Variants in RSU1 observed in about 807,000 individuals in gnomAD.
RSU1 encodes the protein rsu-1.
In RSU1, 26 loss-of-function variants were observed where a neutral mutation model predicts 31.1. The observed-to-expected ratio is 0.84, with a 90% CI of 0.61 to 1.16. The LOEUF (loss-of-function observed/expected upper bound fraction) is 1.16, where lower values mean the gene tolerates loss of function less well. Ranked by LOEUF, RSU1 falls within the 50% of genes most tolerant of loss-of-function variation. RSU1 has a pLI of 0.00. For synonymous variants in RSU1, 164 were observed against 136.3 expected (o/e 1.20, Z -1.41); for missense variants, 320 against 339.1 (o/e 0.94, Z 0.44).
chr10:16,643,859 T>C lies in RSU1; in HGVS notation c.732-50363A>G, dbSNP rs528414757. Among the ~76,000 whole-genome samples, 9 of 151,710 alleles carry C rather than the reference T, an allele frequency of 5.9e-5. No individual in the cohort carries two copies. In the South Asian group the frequency reaches 1.5e-3, roughly 25 times the overall value. Reference sequence around the variant, plus strand: ...AAAAAAATACTCAAAGAAAAAACAATGGATGGCTGCGTCTGTACTGAACAA... The same window carrying C: ...AAAAAAATACTCAAAGAAAAAACAACGGATGGCTGCGTCTGTACTGAACAA... On this transcript the variant is annotated intron_variant, in intron 8 of 8. Coordinates refer to ENST00000345264, the MANE Select transcript of RSU1 (RefSeq NM_012425.4).
intron 8 of RSU1, among the ~76,000 whole-genome samples, chr10:16,621,521 C>T (rs1834070623): frequency 6.6e-6 from 1 of 152,132 alleles, no homozygotes; most frequent in Non-Finnish European, 1.5e-5. Context: ...TGTTCTCACA[C>T]TGCTAAGAAA....
chr10:16,768,497 G>A (rs1253805650), intron 3 of RSU1, among the ~76,000 whole-genome samples: 1 of 149,488 alleles, frequency 6.7e-6, no homozygotes, highest in African/African-American at 2.5e-5. Context: ...AGTCCCAGAG[G>A]ACTCAGATAT....
chr10:16,815,081 C>T (rs1360512855), intron 2 of RSU1, among the ~76,000 whole-genome samples: 1 of 152,254 alleles, frequency 6.6e-6, no homozygotes, highest in Non-Finnish European at 1.5e-5. Flanking sequence ...TCTTTCTCCT[C>T]TGTATCAACA....
intron 2 of RSU1, among the ~76,000 whole-genome samples, chr10:16,787,208 G>T (rs7074251): frequency 0.43 from 65,448 of 151,912 alleles, 17,171 homozygotes; most frequent in African/African-American, 0.75. Context: ...TCTTCCTACA[G>T]CTGAACCACC....
Position 16,770,698 on chromosome 10 carries a change from G to C in RSU1, c.161-6188C>G, listed in dbSNP as rs537425828. On this transcript the variant is annotated intron_variant, in intron 3 of 8. Coordinates refer to ENST00000345264, the MANE Select transcript of RSU1 (RefSeq NM_012425.4). The stretch of plus-strand genomic sequence containing the variant: ...AGTGATGGATTGTGAATTACAGCAA[G>C]GGGATGAAGAGGAGGACTTAAGGCA... Among the ~76,000 whole-genome samples the C allele has an allele frequency of 2.6e-5, 4 of 152,374 alleles. No homozygotes were observed. In the South Asian group the frequency reaches 8.3e-4, roughly 32 times the overall value.
In RSU1 at chr10:16,590,707, T is replaced by C. The variant is rs1833491241; in HGVS notation, c.*2687A>G. 6.6e-6 allele frequency: 1 copy of C among 152,216 alleles called. No individual in the cohort carries two copies. Among genetic ancestry groups the C allele is most frequent in the African/African-American group, 2.4e-5 (1 of 41,440 alleles). 9.4% of individuals were successfully genotyped at this position (152,216 alleles called of 1,614,324 possible). On this transcript the variant is annotated 3_prime_UTR_variant, in exon 9 of 9. Transcript: ENST00000345264. Reference sequence around the variant, plus strand: ...TAAGTACAGAATGAATAAGTAAAATTCTAGAAAGTCTTAGTTCACAATACA... The same window carrying C: ...TAAGTACAGAATGAATAAGTAAAATCCTAGAAAGTCTTAGTTCACAATACA...
intron 2 of RSU1, among the ~76,000 whole-genome samples, chr10:16,793,049 C>T (rs1177888074): frequency 6.6e-6 from 1 of 152,144 alleles, no homozygotes; most frequent in East Asian, 1.9e-4. Flanking sequence ...AAAATGAAGA[C>T]AGACAATAAA....
intron 8 of RSU1, among the ~76,000 whole-genome samples, chr10:16,661,111 A>G (rs929664308): frequency 6.6e-6 from 1 of 151,884 alleles, no homozygotes; most frequent in African/African-American, 2.4e-5. Flanking sequence ...TTCTCTATAT[A>G]GCTCACATGT....
At chr10:16,799,092 A>G (rs1397264683) in intron 2 of RSU1, among the ~76,000 whole-genome samples, 1 of 152,232 alleles carries the variant, frequency 6.6e-6, no homozygotes, top group East Asian at 1.9e-4. Context: ...TGTAGAACTA[A>G]GACTACGTGA....
At chr10:16,772,426 C>A (rs45560733) in intron 3 of RSU1, among the ~76,000 whole-genome samples, 26,144 of 151,916 alleles carry the variant, frequency 0.17, 2,266 homozygotes, top group Middle Eastern at 0.22. Context: ...TTCTAAATTG[C>A]ACTACAATTC....
chr10:16,794,201 C>T (rs1277688653), intron 2 of RSU1, among the ~76,000 whole-genome samples: 3 of 152,202 alleles, frequency 2.0e-5, no homozygotes, highest in Non-Finnish European at 4.4e-5. Flanking sequence ...GCAGACAGCA[C>T]ATCATGTGAC....
At chr10:16,729,757 T>A (rs1022470919) in intron 7 of RSU1, among the ~76,000 whole-genome samples, 2 of 152,218 alleles carry the variant, frequency 1.3e-5, no homozygotes, top group African/African-American at 2.4e-5. Flanking sequence ...ACAGCTGTGA[T>A]CATCCCGCCC....
At chr10:16,663,037 A>G (rs1012779416) in intron 8 of RSU1, among the ~76,000 whole-genome samples, 13 of 152,064 alleles carry the variant, frequency 8.5e-5, no homozygotes, top group African/African-American at 3.1e-4. Flanking sequence ...GCGTAGAAAC[A>G]GAAAGGAGCT....
intron 7 of RSU1, among the ~76,000 whole-genome samples, chr10:16,726,229 C>T (rs560986018): frequency 2.0e-5 from 3 of 150,764 alleles, no homozygotes; most frequent in Non-Finnish European, 2.9e-5. Context: ...TAGTTACCTG[C>T]TTCTTGACCT....
chr10:16,764,563 G>A, intron 3 of RSU1, 53 bp from the exon 4 acceptor site: 2 of 1,560,662 alleles, frequency 1.3e-6, no homozygotes, highest in Non-Finnish European at 8.7e-7. Context: ...TCCTAGCAAG[G>A]GATGGCAGCG....
intron 7 of RSU1, among the ~76,000 whole-genome samples, chr10:16,743,158 ATT>A (rs1258693717): frequency 1.3e-5 from 2 of 152,216 alleles, no homozygotes; most frequent in Non-Finnish European, 2.9e-5. Flanking sequence ...TATTCCCAAC[ATT>A]TTCTTTTTCA....
Position 16,592,860 on chromosome 10 carries a change from T to TA in RSU1, c.*533dup, listed in dbSNP as rs1226598252. 2.6e-5 allele frequency: 4 copies of TA among 152,374 alleles called. No homozygotes were observed. The highest frequency in any genetic ancestry group is 1.3e-4 in the Admixed American group (2 of 15,306). The allele number at this position is 152,374 out of a possible 1,614,324, so 9.4% of individuals were successfully genotyped here. The stretch of plus-strand genomic sequence containing the variant: ...GGGAGAAAAGTAAATGAAAATGTGT[T>TA]ATACCCCAAGATCAGACTGTTCTTT... On this transcript the variant is annotated 3_prime_UTR_variant, in exon 9 of 9. Coordinates refer to ENST00000345264, the MANE Select transcript of RSU1 (RefSeq NM_012425.4).
intron 8 of RSU1, among the ~76,000 whole-genome samples, chr10:16,683,085 A>C (rs1355846544): frequency 6.6e-6 from 1 of 152,086 alleles, no homozygotes; most frequent in African/African-American, 2.4e-5. Flanking sequence ...CCTTACAATG[A>C]AACAGTGGTA....
chr10:16,800,613 C>T (rs72771335), intron 2 of RSU1, among the ~76,000 whole-genome samples: 7,899 of 152,198 alleles, frequency 0.052, 252 homozygotes, highest in African/African-American at 0.094. Flanking sequence ...AAAGGCGTAA[C>T]AGGCATGTTG....
Sources: gnomAD v4.1 joint callset for allele counts (sites outside exome capture counted in the v4.1 genomes callset) on GRCh38, gnomAD v4.1.1 for gene constraint, MANE v1.5 for transcripts, NCBI Gene and HGNC (gene_info 2026-07-23, HGNC 2026-07-21) for gene names.